PTCHD4: variants seen among roughly 807,000 people sequenced by gnomAD.
PTCHD4 encodes patched domain-containing protein 4.
Under a neutral mutation model 58.1 loss-of-function variants are expected in PTCHD4, and 33 were observed. The observed-to-expected ratio is 0.57, with a 90% CI of 0.43 to 0.76. The LOEUF (loss-of-function observed/expected upper bound fraction) is 0.76. PTCHD4 is among the 30% of genes least tolerant of loss of function. PTCHD4 has a pLI of 0.00. For missense variants in PTCHD4, 1,058 were observed against 1,027.1 expected, an observed-to-expected ratio of 1.03 and a Z score of -0.41; for synonymous variants, 478 against 409.6, an observed-to-expected ratio of 1.17 and a Z score of -2.02.
intron 3 of PTCHD4, among the ~76,000 whole-genome samples, chr6:48,066,809 A>G (rs1764813059): frequency 6.6e-6 from 1 of 152,116 alleles, no homozygotes; most frequent in Non-Finnish European, 1.5e-5. Flanking sequence ...AAGAAAAAAA[A>G]AAAAAGCAGG....
At chr6:47,985,541 T>A (rs1331305144) in intron 4 of PTCHD4, among the ~76,000 whole-genome samples, 1 of 152,124 alleles carries the variant, frequency 6.6e-6, no homozygotes. Context: ...CTATTCCTAT[T>A]TAATTTTCCT....
At chr6:47,902,569 T>C (rs1274218254) in intron 4 of PTCHD4, among the ~76,000 whole-genome samples, 1 of 152,194 alleles carries the variant, frequency 6.6e-6, no homozygotes, top group Non-Finnish European at 1.5e-5. Flanking sequence ...ATGGGAGACA[T>C]TTAGTGAAAA....
Position 48,008,533 on chromosome 6 carries a change from C to T in PTCHD4, c.898+101G>A, listed in dbSNP as rs931891251. 6.0e-6 allele frequency: 8 copies of T among 1,326,964 alleles called. No individual in the cohort carries two copies. In the African/African-American group the frequency reaches 8.9e-5, roughly 15 times the overall value. 82.2% of individuals were successfully genotyped at this position (1,326,964 alleles called of 1,614,324 possible). A position where few individuals can be genotyped will look rare whatever the true frequency, so the allele number is the denominator to read the frequency against. The stretch of plus-strand genomic sequence containing the variant: ...AATTTTATGTAATGACATAGACACC[C>T]CAATGCAAAATTAAAACAGATTTCC... On this transcript the variant is annotated intron_variant, in intron 4 of 4. Transcript: ENST00000339488.
chr6:48,038,765 A>G (rs147533684), intron 3 of PTCHD4, among the ~76,000 whole-genome samples: 2,018 of 152,188 alleles, frequency 0.013, 38 homozygotes, highest in African/African-American at 0.045. Flanking sequence ...AAATTAACAC[A>G]AGAGACTGGG....
intron 3 of PTCHD4, among the ~76,000 whole-genome samples, chr6:48,011,272 T>C (rs181306642): frequency 5.9e-5 from 9 of 152,330 alleles, no homozygotes; most frequent in African/African-American, 1.9e-4. Flanking sequence ...ATTACCACTC[T>C]AACTGGCATG....
At chr6:48,070,123 T>TTG (rs66484270) in intron 1 of PTCHD4, among the ~76,000 whole-genome samples, 197 bp from the exon 2 acceptor site, 10,327 of 146,638 alleles carry the variant, frequency 0.07, 539 homozygotes, top group Admixed American at 0.17. Context: ...AAGTGTGTGT[T>TTG]TGTGTGTGTG....
rs2114083869 is a variant in PTCHD4 at position 48,008,874 on chromosome 6, A to G, written c.658T>C (p.Trp220Arg). ...QLYSLASFSLWRDFHKTSILA... is the reference protein window; with the variant it reads ...QLYSLASFSLRRDFHKTSILA... ...ATGCTGGTCTTATGAAAGTCCCTCC[A>G]GAGGCTAAAGGATGCTAAAGAGTAG... The change falls in exon 4 of 5, where the codon TGG becomes CGG. Residue 220 changes from tryptophan (W) to arginine (R), a missense_variant. By Grantham distance (101) the Trp-to-Arg change is moderately radical. Transcript: ENST00000339488. The G allele has an allele frequency of 6.2e-7, 1 of 1,614,026 alleles. No individual in the cohort carries two copies. The highest frequency in any genetic ancestry group is 2.2e-5 in the East Asian group (1 of 44,868).
At chr6:48,035,949 AGT>A (rs1763617825) in intron 3 of PTCHD4, among the ~76,000 whole-genome samples, 1 of 152,194 alleles carries the variant, frequency 6.6e-6, no homozygotes. Flanking sequence ...ATCCCATTGC[AGT>A]GCTCCCTGTA....
intron 4 of PTCHD4, among the ~76,000 whole-genome samples, chr6:47,962,251 T>C (rs1399365089): frequency 6.6e-6 from 1 of 152,194 alleles, no homozygotes; most frequent in Admixed American, 6.5e-5. Flanking sequence ...TCAATCTATA[T>C]GGCCTTTGCA....
chr6:47,991,288 C>A (rs959546525), intron 4 of PTCHD4, among the ~76,000 whole-genome samples: 1 of 151,990 alleles, frequency 6.6e-6, no homozygotes, highest in African/African-American at 2.4e-5. Flanking sequence ...ATCTTATAAG[C>A]AGTCAGAGAA....
chr6:48,073,587 T>G (rs1032687356), intron 1 of PTCHD4, among the ~76,000 whole-genome samples: 4 of 152,216 alleles, frequency 2.6e-5, no homozygotes, highest in African/African-American at 9.6e-5. Context: ...TGTTCAAGGT[T>G]AGCAGTCCCT....
intron 4 of PTCHD4, among the ~76,000 whole-genome samples, chr6:47,974,596 C>G (rs2113995477): frequency 6.6e-6 from 1 of 152,244 alleles, no homozygotes; most frequent in Non-Finnish European, 1.5e-5. Context: ...TAGAATTCCT[C>G]CTGTCCCAAC....
At chr6:48,077,590 C>G (rs1765083779) in intron 1 of PTCHD4, among the ~76,000 whole-genome samples, 1 of 152,220 alleles carries the variant, frequency 6.6e-6, no homozygotes, top group Non-Finnish European at 1.5e-5. Context: ...TCCAGACTGT[C>G]TCAACTTTTG....
intron 4 of PTCHD4, among the ~76,000 whole-genome samples, chr6:47,976,151 T>C (rs1317330060): frequency 6.6e-6 from 1 of 152,200 alleles, no homozygotes; most frequent in Non-Finnish European, 1.5e-5. Context: ...CCTCATTAGG[T>C]ATGATTTAGC....
intron 3 of PTCHD4, among the ~76,000 whole-genome samples, chr6:48,063,473 G>A (rs1471505086): frequency 6.6e-6 from 1 of 152,264 alleles, no homozygotes; most frequent in South Asian, 2.1e-4. Context: ...GAATGATGGA[G>A]GATGTCATGG....
At chr6:48,064,466 T>A (rs1046563998) in intron 3 of PTCHD4, among the ~76,000 whole-genome samples, 1 of 152,158 alleles carries the variant, frequency 6.6e-6, no homozygotes, top group Non-Finnish European at 1.5e-5. Context: ...AGAGGTAGAC[T>A]TCAACAACAT....
rs112915211 is a variant in PTCHD4 at position 47,958,338 on chromosome 6, G to A, written c.898+50296C>T. ...AACCAAGACAAGAACAAGACCACAA[G>A]ACAACATCTAAAAGACAAGACCACA... On this transcript the variant is annotated intron_variant, in intron 4 of 4. Transcript: ENST00000339488. Among the ~76,000 whole-genome samples, 708 of 152,228 alleles carry A rather than the reference G, an allele frequency of 4.7e-3. 5 individuals are homozygous for A. Among genetic ancestry groups the A allele is most frequent in the African/African-American group, 0.016 (667 of 41,542 alleles).
chr6:48,059,904 C>T (rs1245747035), intron 3 of PTCHD4, among the ~76,000 whole-genome samples: 2 of 152,166 alleles, frequency 1.3e-5, no homozygotes, highest in African/African-American at 4.8e-5. Flanking sequence ...CTCCCTCTCA[C>T]CCGTCAGATC....
At chr6:48,066,801 G>GA (rs369916772) in intron 3 of PTCHD4, among the ~76,000 whole-genome samples, 3,011 of 132,904 alleles carry the variant, frequency 0.023, 98 homozygotes, top group African/African-American at 0.069. Context: ...ACCATGTTAA[G>GA]AAAAAAAAAA....
Sources: allele counts gnomAD v4.1 joint callset (sites outside exome capture counted in the v4.1 genomes callset), GRCh38; gene constraint gnomAD v4.1.1; transcripts MANE v1.5; gene names NCBI Gene and HGNC (gene_info 2026-07-23, HGNC 2026-07-21).